BAIAP2: variants seen among roughly 807,000 people sequenced by gnomAD.
The protein encoded by BAIAP2 is BAR/IMD domain-containing adapter protein 2.
A neutral mutation model predicts 63.0 loss-of-function variants in BAIAP2; 18 were observed. The ratio of observed to expected loss-of-function variants is 0.29; its 90% CI spans 0.20 to 0.42. The LOEUF is 0.42. Ranked by LOEUF, BAIAP2 falls within the 10% of genes least tolerant of loss-of-function variation. BAIAP2 has a pLI of 1.00. For missense variants in BAIAP2, 610 were observed against 734.3 expected (o/e 0.83, Z 1.96); for synonymous variants, 386 against 307.6 (o/e 1.25, Z -2.67).
intron 6 of BAIAP2, among the ~76,000 whole-genome samples, chr17:81,095,606 T>C (rs890698370): frequency 7.2e-5 from 11 of 152,140 alleles, no homozygotes; most frequent in South Asian, 2.1e-4. Context: ...CAGATGCTCA[T>C]GTGGGGGCTC....
chr17:81,050,739 A>G (rs1428882620), intron 1 of BAIAP2, among the ~76,000 whole-genome samples: 3 of 151,574 alleles, frequency 2.0e-5, no homozygotes, highest in Non-Finnish European at 4.4e-5. Context: ...GTGCACATGC[A>G]CACGTGGACA....
chr17:81,044,637 C>CG (rs1399142871), intron 1 of BAIAP2, among the ~76,000 whole-genome samples: 1 of 152,214 alleles, frequency 6.6e-6, no homozygotes, highest in African/African-American at 2.4e-5. Flanking sequence ...CCACCCGTGA[C>CG]GGAGTGCAGT....
chr17:81,040,516 C>T (rs1291939405), intron 1 of BAIAP2, among the ~76,000 whole-genome samples: 1 of 152,270 alleles, frequency 6.6e-6, no homozygotes, highest in African/African-American at 2.4e-5. Flanking sequence ...CCGTTTGGCT[C>T]TGTGACTGCA....
intron 1 of BAIAP2, among the ~76,000 whole-genome samples, chr17:81,052,730 T>G (rs1598536458): frequency 6.8e-6 from 1 of 147,162 alleles, no homozygotes; most frequent in African/African-American, 2.5e-5. Flanking sequence ...GGAGAGGGGG[T>G]GGGGGATGCA....
At chr17:81,098,077 C>A (rs1265104833) in intron 6 of BAIAP2, 2 of 1,302,118 alleles carry the variant, frequency 1.5e-6, no homozygotes, top group African/African-American at 1.5e-5. Context: ...GATCCCCAGG[C>A]CAGCTGGGGT....
intron 3 of BAIAP2, among the ~76,000 whole-genome samples, chr17:81,064,926 A>G (rs903923340): frequency 1.1e-4 from 16 of 152,200 alleles, no homozygotes; most frequent in African/African-American, 3.6e-4. Flanking sequence ...AGCTTCTCAC[A>G]GCCCTTCTAA....
chr17:81,089,600 C>T (rs1289728049), intron 6 of BAIAP2, among the ~76,000 whole-genome samples: 3 of 91,668 alleles, frequency 3.3e-5, no homozygotes, highest in Admixed American at 1.1e-4. Flanking sequence ...CCACAGTCGT[C>T]ACAAAGCCCC....
At chr17:81,055,817 A>G (rs967493099) in intron 2 of BAIAP2, among the ~76,000 whole-genome samples, 23 of 151,906 alleles carry the variant, frequency 1.5e-4, no homozygotes, top group Non-Finnish European at 2.4e-4. Flanking sequence ...CGCCCGCCTC[A>G]GCCTCCCAAA....
intron 3 of BAIAP2, among the ~76,000 whole-genome samples, chr17:81,070,047 C>T (rs897267840): frequency 6.6e-6 from 1 of 152,140 alleles, no homozygotes; most frequent in Non-Finnish European, 1.5e-5. Context: ...CTCATTGCAG[C>T]CTCCTGGGCT....
At position 81,053,066 on chromosome 17, in the gene BAIAP2, G is replaced by A. The variant is rs374500606; in HGVS notation, c.55-602G>A. ...TAATTAAAACATTTATTTGGCCTTC[G>A]CAGTGAAAATCTAATTTCTTGAGTC... On this transcript the variant is annotated intron_variant, in intron 1 of 13. Coordinates refer to ENST00000428708, the MANE Select transcript of BAIAP2 (RefSeq NM_001144888.2). Among the ~76,000 whole-genome samples, 81 of 152,292 alleles carry A rather than the reference G, an allele frequency of 5.3e-4. No individual in the cohort carries two copies. In the East Asian group the frequency reaches 6.0e-3, roughly 11 times the overall value.
Position 81,106,749 on chromosome 17 carries a change from C to G in BAIAP2, c.1342C>G (p.Gln448Glu), listed in dbSNP as rs1217508325. 6.2e-7 allele frequency: 1 copy of G among 1,612,600 alleles called. No homozygotes were observed. Among genetic ancestry groups the G allele is most frequent in the Admixed American group, 1.7e-5 (1 of 60,012 alleles). ...DGSDRLHMSL[Q>E]QGKSSSTGNL... is the part of the protein sequence containing the mutation. ...TCTGAGTCCCTGTCCCTACAGCCTGCAGCAAGGGAAGAGCAGCAGCACGGG... is the reference window on the plus strand; with the variant it reads ...TCTGAGTCCCTGTCCCTACAGCCTGGAGCAAGGGAAGAGCAGCAGCACGGG... Residue 448 changes from glutamine (Q) to glutamate (E), a missense_variant, in exon 12 of 14, where the codon CAG becomes GAG. Transcript: ENST00000428708.
intron 1 of BAIAP2, among the ~76,000 whole-genome samples, chr17:81,040,336 A>G (rs1317742886): frequency 6.6e-6 from 1 of 152,214 alleles, no homozygotes; most frequent in Non-Finnish European, 1.5e-5. Context: ...AGCCTGCGCT[A>G]AGATCCCTAG....
chr17:81,110,807 C>G, intron 13 of BAIAP2: 2 of 1,454,406 alleles, frequency 1.4e-6, no homozygotes, highest in Non-Finnish European at 1.9e-6. Flanking sequence ...TCCGAGTGCT[C>G]CAGGGTTCTA....
At chr17:81,098,608 A>G (rs2058038987) in intron 6 of BAIAP2, among the ~76,000 whole-genome samples, 1 of 151,866 alleles carries the variant, frequency 6.6e-6, no homozygotes, top group Non-Finnish European at 1.5e-5. Flanking sequence ...TGGTGTGTTC[A>G]GAATCGGTAG....
chr17:81,106,346 C>G (rs938668493), intron 11 of BAIAP2, among the ~76,000 whole-genome samples, 200 bp downstream of exon 11: 1 of 152,164 alleles, frequency 6.6e-6, no homozygotes, highest in Non-Finnish European at 1.5e-5. Context: ...GCAGTGGGGC[C>G]CGAGAGCCCT....
intron 1 of BAIAP2, among the ~76,000 whole-genome samples, chr17:81,038,436 C>T (rs1039790230): frequency 6.6e-5 from 10 of 152,356 alleles, no homozygotes; most frequent in South Asian, 2.1e-4. Flanking sequence ...TGGCCCACAG[C>T]CTGTCCTAGA....
At chr17:81,099,321 C>T (rs1039568814) in intron 6 of BAIAP2, among the ~76,000 whole-genome samples, 1 of 152,160 alleles carries the variant, frequency 6.6e-6, no homozygotes, top group Admixed American at 6.5e-5. Context: ...GAGCCGGAGC[C>T]GGGTGGGAGA....
At chr17:81,055,492 C>T (rs1009326801) in intron 2 of BAIAP2, among the ~76,000 whole-genome samples, 4 of 152,002 alleles carry the variant, frequency 2.6e-5, no homozygotes, top group Admixed American at 2.0e-4. Context: ...TCCCTGGGCC[C>T]GGGGTTGCAC....
intron 13 of BAIAP2, among the ~76,000 whole-genome samples, chr17:81,115,440 C>CG (rs2060426754): frequency 6.6e-6 from 1 of 152,238 alleles, no homozygotes; most frequent in Non-Finnish European, 1.5e-5. Flanking sequence ...TGGTGATGTC[C>CG]GCCCCTCACT....
Sources: gnomAD v4.1 joint callset for allele counts (sites outside exome capture counted in the v4.1 genomes callset) on GRCh38, gnomAD v4.1.1 for gene constraint, MANE v1.5 for transcripts, NCBI Gene and HGNC (gene_info 2026-07-23, HGNC 2026-07-21) for gene names.